The following RPTOR variants were observed in gnomAD, a reference collection of about 807,000 sequenced individuals.
The protein encoded by RPTOR is regulatory-associated protein of mTOR.
Under a neutral mutation model 169.9 loss-of-function variants are expected in RPTOR, and 21 were observed. That is an observed-to-expected ratio of 0.12 (90% CI 0.09 to 0.18). The LOEUF (loss-of-function observed/expected upper bound fraction) is 0.18. RPTOR is among the 10% of genes least tolerant of loss of function. RPTOR has a pLI of 1.00. For synonymous variants in RPTOR, 732 were observed against 753.2 expected, an observed-to-expected ratio of 0.97 and a Z score of 0.46; for missense variants, 1,133 against 1,855.9, an observed-to-expected ratio of 0.61 and a Z score of 7.16.
chr17:80,777,835 T>C (rs1246243760), intron 6 of RPTOR, among the ~76,000 whole-genome samples: 1 of 152,206 alleles, frequency 6.6e-6, no homozygotes, highest in Non-Finnish European at 1.5e-5. Flanking sequence ...TTTTTAACTT[T>C]GAGAATGTTT....
intron 3 of RPTOR, among the ~76,000 whole-genome samples, chr17:80,684,059 T>C (rs2065917460): frequency 6.6e-6 from 1 of 152,200 alleles, no homozygotes; most frequent in South Asian, 2.1e-4. Context: ...GTGAATTCAC[T>C]ATCTGTTCCC....
chr17:80,783,837 C>G (rs1425694395), intron 6 of RPTOR, among the ~76,000 whole-genome samples: 1 of 152,246 alleles, frequency 6.6e-6, no homozygotes, highest in African/African-American at 2.4e-5. Flanking sequence ...AACTCTTGCA[C>G]TTAATTTGTA....
At chr17:80,882,883 G>A (rs1486163224) in intron 14 of RPTOR, among the ~76,000 whole-genome samples, 1 of 152,222 alleles carries the variant, frequency 6.6e-6, no homozygotes, top group Non-Finnish European at 1.5e-5. Flanking sequence ...CGCGACGTGT[G>A]TGTAAAAAAC....
intron 7 of RPTOR, among the ~76,000 whole-genome samples, chr17:80,795,745 T>A (rs2067095074): frequency 6.6e-6 from 1 of 152,010 alleles, no homozygotes; most frequent in South Asian, 2.1e-4. Flanking sequence ...ACTGGGCACC[T>A]CCTTGCCTCT....
intron 10 of RPTOR, among the ~76,000 whole-genome samples, chr17:80,840,672 C>G (rs551721580): frequency 2.6e-5 from 2 of 77,732 alleles, no homozygotes; most frequent in Admixed American, 3.1e-4. Context: ...ACAGCTCACT[C>G]TCACCACACG....
At chr17:80,618,720 G>A (rs2065332152) in intron 1 of RPTOR, among the ~76,000 whole-genome samples, 1 of 152,226 alleles carries the variant, frequency 6.6e-6, no homozygotes, top group Non-Finnish European at 1.5e-5. Flanking sequence ...AACGAGCTGA[G>A]CTCATAGATT....
chr17:80,723,195 A>G (rs1456308073), intron 4 of RPTOR, among the ~76,000 whole-genome samples: 2 of 123,532 alleles, frequency 1.6e-5, no homozygotes, highest in East Asian at 4.6e-4. Context: ...TGTTTCTCCA[A>G]TGTGAAGTTG....
intron 6 of RPTOR, among the ~76,000 whole-genome samples, chr17:80,765,620 C>G (rs1419679633): frequency 6.6e-6 from 1 of 152,174 alleles, no homozygotes; most frequent in Admixed American, 6.5e-5. Flanking sequence ...GGATTCAAAG[C>G]TGGGTGCCCA....
rs1446064273 is a variant in RPTOR at position 80,603,984 on chromosome 17, C to T, written c.163-21707C>T. Among the ~76,000 whole-genome samples, 8 of 152,224 alleles carry T rather than the reference C, an allele frequency of 5.3e-5. No homozygotes were observed. In the South Asian group the frequency reaches 1.2e-3, roughly 24 times the overall value. Reference sequence around the variant, plus strand: ...TCCAGAAATCCAAGTCCGCAGACCCCAGCCACGGGCCACCCCTGTAAGCAG... The same window carrying T: ...TCCAGAAATCCAAGTCCGCAGACCCTAGCCACGGGCCACCCCTGTAAGCAG... On this transcript the variant is annotated intron_variant, in intron 1 of 33. Coordinates refer to ENST00000306801, the MANE Select transcript of RPTOR (RefSeq NM_020761.3).
rs1244295059 is a variant in RPTOR at position 80,746,446 on chromosome 17, C to A, written c.655-7564C>A. On this transcript the variant is annotated intron_variant, in intron 5 of 33. Coordinates refer to ENST00000306801, the MANE Select transcript of RPTOR (RefSeq NM_020761.3). This position sits in a 1 kb window ranked among gnomAD's most constrained non-coding sequence, Gnocchi z 4.5. Reference sequence around the variant, plus strand: ...CTGCGCGTGCACTGACTCCACATTACCCACACGTGGGAACAATGCAGCAGA... The same window carrying A: ...CTGCGCGTGCACTGACTCCACATTAACCACACGTGGGAACAATGCAGCAGA... 6.6e-6 allele frequency among the ~76,000 whole-genome samples: 1 copy of A among 152,270 alleles called. No individual in the cohort carries two copies. The highest frequency in any genetic ancestry group is 2.4e-5 in the African/African-American group (1 of 41,478).
chr17:80,919,946 C>T (rs937754848), intron 21 of RPTOR, among the ~76,000 whole-genome samples: 5 of 152,258 alleles, frequency 3.3e-5, no homozygotes, highest in Admixed American at 2.0e-4. Flanking sequence ...AGAAGGGCGC[C>T]GTGTCCTCCA....
chr17:80,890,208 C>T (rs2068303252), intron 17 of RPTOR, among the ~76,000 whole-genome samples: 1 of 152,214 alleles, frequency 6.6e-6, no homozygotes, highest in Admixed American at 6.5e-5. Context: ...GAAGGGCCCA[C>T]CACCTCGGTG....
At chr17:80,890,095 C>T (rs1249272608) in intron 17 of RPTOR, among the ~76,000 whole-genome samples, 1 of 150,844 alleles carries the variant, frequency 6.6e-6, no homozygotes, top group Non-Finnish European at 1.5e-5. Context: ...GTGCGGCCCC[C>T]GAGGGAGGCC....
chr17:80,628,574 A>G (rs1439507324), intron 2 of RPTOR, among the ~76,000 whole-genome samples: 1 of 151,370 alleles, frequency 6.6e-6, no homozygotes, highest in Non-Finnish European at 1.5e-5. Flanking sequence ...TTCCCTTTAT[A>G]TTCTCAGTAG....
At chr17:80,805,853 C>T (rs148009550) in intron 7 of RPTOR, among the ~76,000 whole-genome samples, 68 of 152,182 alleles carry the variant, frequency 4.5e-4, no homozygotes, top group Middle Eastern at 3.4e-3. Flanking sequence ...AATAATTTGT[C>T]GTTCTATAGT....
chr17:80,634,824 CTGTGTG>C (rs1275018831), intron 2 of RPTOR, among the ~76,000 whole-genome samples: 7 of 130,526 alleles, frequency 5.4e-5, no homozygotes, highest in South Asian at 2.5e-4. Context: ...TGTGTGCATA[CTGTGTG>C]TGTGTGCATA....
At chr17:80,870,658 G>A (rs1326823343) in intron 13 of RPTOR, among the ~76,000 whole-genome samples, 1 of 152,266 alleles carries the variant, frequency 6.6e-6, no homozygotes, top group South Asian at 2.1e-4. Flanking sequence ...AGAAGGCAGT[G>A]CCCTGGTGGG....
intron 3 of RPTOR, among the ~76,000 whole-genome samples, chr17:80,692,221 C>T (rs972724207): frequency 6.6e-6 from 1 of 152,156 alleles, no homozygotes; most frequent in Non-Finnish European, 1.5e-5. Context: ...AAGCCATCCT[C>T]CCACCTCAGC....
chr17:80,873,084 T>G (rs2068069567), intron 13 of RPTOR, among the ~76,000 whole-genome samples: 1 of 146,752 alleles, frequency 6.8e-6, no homozygotes, highest in African/African-American at 2.7e-5. Flanking sequence ...CTCTTCTTAG[T>G]ATTAGAATTT....
Sources: allele counts gnomAD v4.1 joint callset (sites outside exome capture counted in the v4.1 genomes callset), GRCh38; gene constraint gnomAD v4.1.1; non-coding constraint Gnocchi (gnomAD v3.1); transcripts MANE v1.5; gene names NCBI Gene and HGNC (gene_info 2026-07-23, HGNC 2026-07-21).